The following ATR variants were observed in gnomAD, a reference collection of about 807,000 sequenced individuals.
ATR encodes the protein ATR checkpoint kinase.
In ATR, 142 loss-of-function variants were observed where a neutral mutation model predicts 305.3. That is an observed-to-expected ratio of 0.47 (90% CI 0.41 to 0.53). The LOEUF is 0.53. Ranked by LOEUF, ATR falls within the 20% of genes least tolerant of loss-of-function variation. The pLI, the probability that ATR is intolerant of heterozygous loss-of-function variation, is 0.00. For synonymous variants in ATR, 1,050 were observed against 1,068.1 expected (o/e 0.98, Z 0.33); for missense variants, 2,135 against 3,133.1 (o/e 0.68, Z 7.60).
rs1452957329 is a variant in ATR at position 142,535,172 on chromosome 3, G to T, written c.3853C>A (p.Leu1285Ile). The change falls in exon 21 of 47, where the codon CTT becomes ATT. Residue 1285 changes from leucine to isoleucine, a missense_variant. Transcript: ENST00000350721. ...TGAATGGCCTTCATAGAGAGCTGAA[G>T]AGTTGTCTGAAGATCAGTGCTCTCA... ...TSESTDLQTT[L>I]QLSMKAIQHE... 1 of 1,613,164 alleles carries T rather than the reference G, an allele frequency of 6.2e-7. No homozygotes were observed. Among genetic ancestry groups the T allele is most frequent in the South Asian group, 1.1e-5 (1 of 91,058 alleles).
chr3:142,451,099 G>A, intron 46 of ATR: 2 of 1,274,088 alleles, frequency 1.6e-6, no homozygotes, highest in African/African-American at 1.5e-5. Context: ...GGTCAATTGT[G>A]AAACAGCCCC....
intron 16 of ATR, among the ~76,000 whole-genome samples, chr3:142,545,143 G>A (rs1437536164): frequency 2.6e-5 from 4 of 152,156 alleles, no homozygotes; most frequent in East Asian, 3.9e-4. Flanking sequence ...CTGGGTACAG[G>A]TGTACAAGAT....
intron 46 of ATR, chr3:142,450,527 A>G (rs772554763): frequency 3.1e-6 from 5 of 1,606,124 alleles, no homozygotes; most frequent in Non-Finnish European, 4.3e-6. Flanking sequence ...TCTCATATCC[A>G]GAAAATCAGA....
intron 35 of ATR, among the ~76,000 whole-genome samples, chr3:142,490,141 C>T (rs1482552766): frequency 6.6e-6 from 1 of 152,176 alleles, no homozygotes; most frequent in Non-Finnish European, 1.5e-5. Flanking sequence ...TAACTGTAAC[C>T]TTGAACTCCT....
chr3:142,518,853 T>G (rs2033022142), intron 24 of ATR, among the ~76,000 whole-genome samples: 1 of 152,218 alleles, frequency 6.6e-6, no homozygotes, highest in Non-Finnish European at 1.5e-5. Context: ...CTTCATGTAT[T>G]TGCATGTCAT....
intron 28 of ATR, among the ~76,000 whole-genome samples, chr3:142,507,623 A>C (rs2032323606): frequency 6.6e-6 from 1 of 152,168 alleles, no homozygotes; most frequent in Admixed American, 6.5e-5. Context: ...GATGCCTCTG[A>C]TTATAATGTC....
At chr3:142,458,885 A>C in intron 44 of ATR, 73 bp downstream of exon 44, 1 of 1,527,366 alleles carries the variant, frequency 6.5e-7, no homozygotes, top group Non-Finnish European at 9.0e-7. Flanking sequence ...CAGGTATGTC[A>C]AGGAAGATAC....
intron 36 of ATR, among the ~76,000 whole-genome samples, chr3:142,479,078 C>T (rs2030198979): frequency 6.6e-6 from 1 of 152,032 alleles, no homozygotes; most frequent in African/African-American, 2.4e-5. Context: ...GAGCATTTAG[C>T]CCATTTACAT....
At chr3:142,451,525 C>T (rs1559901236) in intron 46 of ATR, 2 of 1,405,362 alleles carry the variant, frequency 1.4e-6, no homozygotes, top group African/African-American at 1.5e-5. Flanking sequence ...AGAAAGAGAA[C>T]ACCAACACCT....
At position 142,467,917 on chromosome 3, in the gene ATR, T is replaced by C; in HGVS notation, c.6687+17A>G. 6.2e-7 allele frequency: 1 copy of C among 1,611,624 alleles called. No homozygotes were observed. The highest frequency in any genetic ancestry group is 1.1e-5 in the South Asian group (1 of 90,826). ...TTACCCAACATCAGTTTATAAGCAC[T>C]AAGATTATGATAGTACCGGTTTATT... On this transcript the variant is annotated intron_variant, in intron 39 of 46. Transcript: ENST00000350721.
At chr3:142,500,084 C>T (rs951449601) in intron 30 of ATR, 3 of 208,344 alleles carry the variant, frequency 1.4e-5, no homozygotes, top group Non-Finnish European at 2.9e-5. Context: ...GCCAACTGAA[C>T]ACACATAAAT....
intron 45 of ATR, 65 bp from the exon 46 acceptor site, chr3:142,453,298 A>G: frequency 1.3e-6 from 2 of 1,535,100 alleles, no homozygotes; most frequent in South Asian, 1.1e-5. Flanking sequence ...GCTGACATCA[A>G]TATTTAAGTG....
Position 142,553,986 on chromosome 3 carries a change from T to G in ATR, c.2371A>C (p.Lys791Gln). 6.2e-7 allele frequency: 1 copy of G among 1,609,292 alleles called. No individual in the cohort carries two copies. Among genetic ancestry groups the G allele is most frequent in the South Asian group, 1.1e-5 (1 of 90,096 alleles). ...TCATCTTCTCTAAAATCAAGATGCTTACAAAGATGATGTAGATTATCTATG... is the reference window on the plus strand; with the variant it reads ...TCATCTTCTCTAAAATCAAGATGCTGACAAAGATGATGTAGATTATCTATG... ...AFIDNLHHLC[K>Q]HLDFREDETD... is the part of the protein sequence containing the mutation. Residue 791 changes from lysine (K) to glutamine (Q), a missense_variant, in exon 11 of 47, where the codon AAG (lysine) becomes CAG (glutamine). Around this residue, in one of 9 missense-constraint regions of ATR, gnomAD observed 530 missense variants for 766.8 expected, o/e 0.69. Coordinates refer to ENST00000350721, the MANE Select transcript of ATR (RefSeq NM_001184.4).
At chr3:142,560,491 C>T (rs2108483640) in intron 5 of ATR, 37 bp from the exon 6 acceptor site, 1 of 1,530,450 alleles carries the variant, frequency 6.5e-7, no homozygotes, top group African/African-American at 1.4e-5. Flanking sequence ...TATTCATATG[C>T]AATATAAATT....
In ATR at chr3:142,562,235, T is replaced by G; in HGVS notation, c.1167A>C (p.Ala389=). The G allele has an allele frequency of 6.2e-7, 1 of 1,614,072 alleles. No individual in the cohort carries two copies. The highest frequency in any genetic ancestry group is 1.1e-5 in the South Asian group (1 of 91,066). ...AGTAACCTGAAAAATTACTTACCTC[T>G]GCATCTACCTCAATTCCAAGCACAT... ...LLDVLGIEVD[A]EYLLGPLYAA... The change falls in exon 4 of 47, where the codon GCA becomes GCC. Residue 389 remains alanine, a synonymous_variant. Transcript: ENST00000350721.
chr3:142,568,477 C>T (rs2108498144), intron 1 of ATR, among the ~76,000 whole-genome samples: 3 of 152,328 alleles, frequency 2.0e-5, no homozygotes, highest in Non-Finnish European at 4.4e-5. Flanking sequence ...ATGGCAGTGG[C>T]AGCCCAGTTG....
At chr3:142,546,635 T>C (rs1431341996) in intron 16 of ATR, among the ~76,000 whole-genome samples, 1 of 152,082 alleles carries the variant, frequency 6.6e-6, no homozygotes, top group Non-Finnish European at 1.5e-5. Context: ...GAGGATAAAG[T>C]AGATAATTTA....
At chr3:142,542,533 A>T (rs970947694) in intron 17 of ATR, 132 bp downstream of exon 17, 2 of 883,000 alleles carry the variant, frequency 2.3e-6, no homozygotes, top group African/African-American at 1.7e-5. Context: ...CAAAAAACGT[A>T]TATGAGTTCT....
intron 36 of ATR, among the ~76,000 whole-genome samples, chr3:142,480,909 G>C (rs1653751418): frequency 6.6e-6 from 1 of 152,224 alleles, no homozygotes. Flanking sequence ...TAATCTCCTG[G>C]TGTGCTGTTT....
Sources: allele counts gnomAD v4.1 joint callset (sites outside exome capture counted in the v4.1 genomes callset), GRCh38; gene constraint gnomAD v4.1.1; regional missense constraint gnomAD v4.1.1; transcripts MANE v1.5; gene names NCBI Gene and HGNC (gene_info 2026-07-23, HGNC 2026-07-21).